HOXD10: variants seen among roughly 807,000 people sequenced by gnomAD.
HOXD10 encodes the protein homeobox D10, also known as homeobox protein Hox-D10.
In HOXD10, 15 loss-of-function variants were observed where a neutral mutation model predicts 27.0. The ratio of observed to expected loss-of-function variants is 0.56; its 90% confidence interval spans 0.37 to 0.85. The LOEUF is 0.85. Ranked by LOEUF, HOXD10 falls within the 40% of genes least tolerant of loss-of-function variation. HOXD10 has a pLI of 0.00. For missense variants in HOXD10, 440 were observed against 430.4 expected, an observed-to-expected ratio of 1.02 and a Z score of -0.20; for synonymous variants, 178 against 160.9, an observed-to-expected ratio of 1.11 and a Z score of -0.80.
In HOXD10 at chr2:176,119,320, G is replaced by A. The variant is rs1406737936; in HGVS notation, c.*89G>A. 5 of 1,359,978 alleles carry A rather than the reference G, an allele frequency of 3.7e-6. No individual in the cohort carries two copies. In the East Asian group the frequency reaches 9.8e-5, roughly 27 times the overall value. The allele number at this position is 1,359,978 out of a possible 1,614,324, so 84.2% of individuals were successfully genotyped here. ...CCCAGTGCTGGAGGACTGGGAAAGC[G>A]GAAACAAAACCTTCACCGCTCTTTG... On this transcript the variant is annotated 3_prime_UTR_variant, in exon 2 of 2. Transcript: ENST00000249501.
rs1405400657 is a variant in HOXD10, at chr2:176,119,319, C to A, written c.*88C>A. 5 of 1,367,742 alleles carry A rather than the reference C, an allele frequency of 3.7e-6. No individual in the cohort carries two copies. In the East Asian group the frequency reaches 9.7e-5, roughly 27 times the overall value. The allele number at this position is 1,367,742 out of a possible 1,614,324, so 84.7% of individuals were successfully genotyped here. ...GCCCAGTGCTGGAGGACTGGGAAAG[C>A]GGAAACAAAACCTTCACCGCTCTTT... is the stretch of plus-strand genomic sequence containing the variant. On this transcript the variant is annotated 3_prime_UTR_variant, in exon 2 of 2. Transcript: ENST00000249501.
rs1689766778 is a variant in HOXD10 at position 176,116,965 on chromosome 2, G to T, written c.132G>T (p.Gly44=). The change falls in exon 1 of 2, where the codon GGG becomes GGT. Residue 44 remains glycine (G), a synonymous_variant. Transcript: ENST00000249501. The stretch of plus-strand genomic sequence containing the variant: ...TGCCACCACCTAGCGCAGACATGGG[G>T]ACCTATGGAATGCAAACCTGTGGAC... ...MYMPPPSADM[G]TYGMQTCGLL... is the part of the protein sequence containing the mutation. 6.2e-7 allele frequency: 1 copy of T among 1,614,032 alleles called. No individual in the cohort carries two copies. The highest frequency in any genetic ancestry group is 8.5e-7 in the Non-Finnish European group (1 of 1,180,042).
At position 176,119,067 on chromosome 2, in the gene HOXD10, T is replaced by C. The variant is rs773881171; in HGVS notation, c.859T>C (p.Phe287Leu). ...QTLELEKEFLFNMYLTRERRL... is the reference protein window; with the variant it reads ...QTLELEKEFLLNMYLTRERRL... ...GCTGGAATTAGAAAAAGAGTTCTTG[T>C]TCAATATGTACCTCACCCGCGAGCG... Residue 287 changes from phenylalanine to leucine, a missense_variant, in exon 2 of 2, where the codon TTC becomes CTC. By Grantham distance (22) the Phe-to-Leu change is conservative. Coordinates refer to ENST00000249501, the MANE Select transcript of HOXD10 (RefSeq NM_002148.4). 6.2e-7 allele frequency: 1 copy of C among 1,614,020 alleles called. No homozygotes were observed. The highest frequency in any genetic ancestry group is 1.3e-5 in the African/African-American group (1 of 74,988).
Position 176,119,022 on chromosome 2 carries a change from C to A in HOXD10, c.814C>A (p.Pro272Thr). ...AAAGAGTGGCAGAAAGAAGAGGTGCCCTTACACTAAGCACCAAACGCTGGA... is the reference window on the plus strand; with the variant it reads ...AAAGAGTGGCAGAAAGAAGAGGTGCACTTACACTAAGCACCAAACGCTGGA... Reference protein sequence around the residue: ...TAKSGRKKRCPYTKHQTLELE... With the variant: ...TAKSGRKKRCTYTKHQTLELE... Residue 272 changes from proline to threonine, a missense_variant, in exon 2 of 2, where the codon CCT becomes ACT. By Grantham distance (38) the Pro-to-Thr change is conservative. Transcript: ENST00000249501. The A allele has an allele frequency of 6.2e-7, 1 of 1,613,656 alleles. No homozygotes were observed. Among genetic ancestry groups the A allele is most frequent in the Non-Finnish European group, 8.5e-7 (1 of 1,179,730 alleles).
At chr2:176,118,736 T>A (rs1250192043) in intron 1 of HOXD10, among the ~76,000 whole-genome samples, 2 of 152,176 alleles carry the variant, frequency 1.3e-5, no homozygotes. Flanking sequence ...AATGTAAGAT[T>A]CCCTTCCAAG....
rs1198413774 is a variant in HOXD10 at position 176,116,955 on chromosome 2, C to T, written c.122C>T (p.Ala41Val). ...AGCATGTACATGCCACCACCTAGCGCAGACATGGGGACCTATGGAATGCAA... is the reference window on the plus strand; with the variant it reads ...AGCATGTACATGCCACCACCTAGCGTAGACATGGGGACCTATGGAATGCAA... ...SASMYMPPPS[A>V]DMGTYGMQTC... Residue 41 changes from alanine (A) to valine (V), a missense_variant, in exon 1 of 2, where the codon GCA (alanine) becomes GTA (valine). By Grantham distance (64) the Ala-to-Val change is moderately conservative (BLOSUM62 0). Coordinates refer to ENST00000249501, the MANE Select transcript of HOXD10 (RefSeq NM_002148.4). The T allele has an allele frequency of 6.2e-7, 1 of 1,614,182 alleles. No individual in the cohort carries two copies. Among genetic ancestry groups the T allele is most frequent in the Non-Finnish European group, 8.5e-7 (1 of 1,180,032 alleles).
rs2105394019 is a variant in HOXD10 at position 176,117,432 on chromosome 2, AGAT to A, written c.602_604del (p.Met201del). ...GCTGCCCAGCTGCAGATGGAAAAGA[AGAT>A]GAACGAGCCCGTGAGCGGCCAGGAG... On this transcript the variant is annotated inframe_deletion, in exon 1 of 2. Coordinates refer to ENST00000249501, the MANE Select transcript of HOXD10 (RefSeq NM_002148.4). 1 of 1,613,234 alleles carries A rather than the reference AGAT, an allele frequency of 6.2e-7. No homozygotes were observed. Among genetic ancestry groups the A allele is most frequent in the East Asian group, 2.2e-5 (1 of 44,880 alleles).
Position 176,118,979 on chromosome 2 carries a change from C to A in HOXD10, c.771C>A (p.Thr257=). The part of the protein sequence containing the change: ...SKEEIKSDTP[T]SNWLTAKSGR... ...AGGAAATCAAGTCTGATACACCAAC[C>A]AGCAATTGGCTCACTGCAAAGAGTG... Residue 257 remains threonine (T), a synonymous_variant, in exon 2 of 2, where the codon ACC becomes ACA. Transcript: ENST00000249501. 6.8e-6 allele frequency: 11 copies of A among 1,613,498 alleles called. No homozygotes were observed. Among genetic ancestry groups the A allele is most frequent in the Non-Finnish European group, 9.3e-6 (11 of 1,179,708 alleles).
chr2:176,117,958 G>T lies in HOXD10; in HGVS notation c.745+380G>T, dbSNP rs541229876. 7.2e-5 allele frequency among the ~76,000 whole-genome samples: 11 copies of T among 152,330 alleles called. No individual in the cohort carries two copies. The East Asian group carries it at 1.9e-3, about 27-fold the overall frequency. The stretch of plus-strand genomic sequence containing the variant: ...GCCTTGAGCCCAATGATCATGTTAA[G>T]GTGATCCAGGGCACCGTGTTCGTGT... On this transcript the variant is annotated intron_variant, in intron 1 of 1. Coordinates refer to ENST00000249501, the MANE Select transcript of HOXD10 (RefSeq NM_002148.4).
intron 1 of HOXD10, among the ~76,000 whole-genome samples, chr2:176,118,261 C>T (rs1410981751): frequency 2.0e-5 from 3 of 152,196 alleles, no homozygotes; most frequent in South Asian, 2.1e-4. Flanking sequence ...TGAGAAGGAA[C>T]CCTCCTCCTC....
rs1238013938 is a variant in HOXD10 at position 176,117,149 on chromosome 2, A to G, written c.316A>G (p.Asn106Asp). ...QQVPTCSFTTNIKEESNCCMY... is the reference protein window; with the variant it reads ...QQVPTCSFTTDIKEESNCCMY... The stretch of plus-strand genomic sequence containing the variant: ...AGTCCCCACTTGCTCCTTCACCACC[A>G]ACATTAAGGAAGAATCCAATTGCTG... Residue 106 changes from asparagine to aspartate, a missense_variant, in exon 1 of 2, where the codon AAC (asparagine) becomes GAC (aspartate). Physicochemically the swap from Asn to Asp is conservative, Grantham distance 23 (BLOSUM62 1). Transcript: ENST00000249501. 2.0e-5 allele frequency: 32 copies of G among 1,614,062 alleles called. No individual in the cohort carries two copies. In the Admixed American group the frequency reaches 2.0e-4, roughly 10 times the overall value.
chr2:176,117,008 A>T lies in HOXD10; in HGVS notation c.175A>T (p.Lys59Ter), dbSNP rs745713957. Residue 59 changes from lysine to a stop codon, truncating the protein, a stop_gained, in exon 1 of 2, where the codon AAA (lysine) becomes TAA (stop). Coordinates refer to ENST00000249501, the MANE Select transcript of HOXD10 (RefSeq NM_002148.4). LOFTEE classifies it high-confidence loss of function. The stretch of plus-strand genomic sequence containing the variant: ...CTGTGGACTGCTCCCGTCTCTGGCC[A>T]AAAGAGAAGTGAACCACCAAAATAT... ...QTCGLLPSLA[K>*]REVNHQNMGM... 3.1e-6 allele frequency: 5 copies of T among 1,614,192 alleles called. No homozygotes were observed. Among genetic ancestry groups the T allele is most frequent in the Non-Finnish European group, 3.4e-6 (4 of 1,180,028 alleles).
In HOXD10 at chr2:176,117,582, G is replaced by A; in HGVS notation, c.745+4G>A. 1 of 1,612,842 alleles carries A rather than the reference G, an allele frequency of 6.2e-7. No individual in the cohort carries two copies. Among genetic ancestry groups the A allele is most frequent in the Non-Finnish European group, 8.5e-7 (1 of 1,180,044 alleles). ...GTGCAGGAGAAGGAAAGCAAAGGTCGGTATGAGCAGAGTTGCCACCCCAGC... is the reference window on the plus strand; with the variant it reads ...GTGCAGGAGAAGGAAAGCAAAGGTCAGTATGAGCAGAGTTGCCACCCCAGC... On this transcript the variant is annotated splice_donor_region_variant and intron_variant, in intron 1 of 1. Coordinates refer to ENST00000249501, the MANE Select transcript of HOXD10 (RefSeq NM_002148.4).
In HOXD10 at chr2:176,118,864, C is replaced by G. The variant is rs531185639; in HGVS notation, c.746-90C>G. On this transcript the variant is annotated intron_variant, in intron 1 of 1. Coordinates refer to ENST00000249501, the MANE Select transcript of HOXD10 (RefSeq NM_002148.4). ...TGAAGAAAAAAACAAAAACGAAAAC[C>G]AAAACCAAAACCAAAACAAAAACAA... The G allele has an allele frequency of 1.2e-3, 1,554 of 1,263,458 alleles. 27 individuals are homozygous for G. In the South Asian group the frequency reaches 0.016, roughly 13 times the overall value. The allele number at this position is 1,263,458 out of a possible 1,614,324, so 78.3% of individuals were successfully genotyped here.
rs768144045 is a variant in HOXD10, at chr2:176,119,216, C to T, written c.1008C>T (p.Asn336=). The T allele has an allele frequency of 6.2e-7, 1 of 1,613,512 alleles. No homozygotes were observed. Among genetic ancestry groups the T allele is most frequent in the South Asian group, 1.1e-5 (1 of 91,042 alleles). Residue 336 remains asparagine (N), a synonymous_variant, in exon 2 of 2, where the codon AAC becomes AAT. Transcript: ENST00000249501. The part of the protein sequence containing the change: ...RENRIRELTA[N]LTFS ...ACCGGATCCGAGAACTGACCGCCAA[C>T]CTCACGTTTTCTTAGGTCTGAGGCC...
chr2:176,119,060 G>C lies in HOXD10; in HGVS notation c.852G>C (p.Glu284Asp), dbSNP rs1159994360. Reference sequence around the variant, plus strand: ...ACCAAACGCTGGAATTAGAAAAAGAGTTCTTGTTCAATATGTACCTCACCC... The same window carrying C: ...ACCAAACGCTGGAATTAGAAAAAGACTTCTTGTTCAATATGTACCTCACCC... Reference protein sequence around the residue: ...TKHQTLELEKEFLFNMYLTRE... With the variant: ...TKHQTLELEKDFLFNMYLTRE... The change falls in exon 2 of 2, where the codon GAG becomes GAC. Residue 284 changes from glutamate to aspartate, a missense_variant. By Grantham distance (45) the Glu-to-Asp change is conservative (BLOSUM62 2). Coordinates refer to ENST00000249501, the MANE Select transcript of HOXD10 (RefSeq NM_002148.4). 1 of 1,614,104 alleles carries C rather than the reference G, an allele frequency of 6.2e-7. No individual in the cohort carries two copies. The highest frequency in any genetic ancestry group is 2.2e-5 in the East Asian group (1 of 44,870).
At position 176,117,469 on chromosome 2, in the gene HOXD10, A is replaced by T; in HGVS notation, c.636A>T (p.Lys212Asn). 6.2e-7 allele frequency: 1 copy of T among 1,613,106 alleles called. No individual in the cohort carries two copies. The highest frequency in any genetic ancestry group is 8.5e-7 in the Non-Finnish European group (1 of 1,179,994). The change falls in exon 1 of 2, where the codon AAA (lysine) becomes AAT (asparagine). Residue 212 changes from lysine to asparagine, a missense_variant. Transcript: ENST00000249501. ...CCGTGAGCGGCCAGGAGCCCACCAAAGTCTCCCAGGTGGAGAGCCCCGAGG... is the reference window on the plus strand; with the variant it reads ...CCGTGAGCGGCCAGGAGCCCACCAATGTCTCCCAGGTGGAGAGCCCCGAGG... ...NEPVSGQEPT[K>N]VSQVESPEAK...
Position 176,118,985 on chromosome 2 carries a change from T to G in HOXD10, c.777T>G (p.Asn259Lys). The stretch of plus-strand genomic sequence containing the variant: ...TCAAGTCTGATACACCAACCAGCAA[T>G]TGGCTCACTGCAAAGAGTGGCAGAA... ...EEIKSDTPTS[N>K]WLTAKSGRKK... Residue 259 changes from asparagine to lysine, a missense_variant, in exon 2 of 2, where the codon AAT becomes AAG. Asn to Lys is a moderately conservative substitution (Grantham distance 94). Coordinates refer to ENST00000249501, the MANE Select transcript of HOXD10 (RefSeq NM_002148.4). The G allele has an allele frequency of 6.2e-7, 1 of 1,613,674 alleles. No individual in the cohort carries two copies. Among genetic ancestry groups the G allele is most frequent in the South Asian group, 1.1e-5 (1 of 91,062 alleles).
intron 1 of HOXD10, among the ~76,000 whole-genome samples, chr2:176,117,784 T>C (rs1439141591): frequency 6.6e-6 from 1 of 152,210 alleles, no homozygotes; most frequent in Non-Finnish European, 1.5e-5. Flanking sequence ...GGCCCCACGC[T>C]GATGGCGCCC....
Sources: gnomAD v4.1 joint callset for allele counts (sites outside exome capture counted in the v4.1 genomes callset) on GRCh38, gnomAD v4.1.1 for gene constraint, MANE v1.5 for transcripts, NCBI Gene and HGNC (gene_info 2026-07-23, HGNC 2026-07-21) for gene names.